KCNQ2: variants seen among roughly 807,000 people sequenced by gnomAD.
KCNQ2 encodes potassium voltage-gated channel subfamily Q member 2, also known as potassium voltage-gated channel subfamily KQT member 2.
In KCNQ2, 14 loss-of-function variants were observed where a neutral mutation model predicts 84.8. The ratio of observed to expected loss-of-function variants is 0.17; its 90% CI spans 0.11 to 0.26. KCNQ2 has a LOEUF of 0.26. Ranked by LOEUF, KCNQ2 falls within the 10% of genes least tolerant of loss-of-function variation. The pLI is 1.00. For missense variants in KCNQ2, 788 were observed against 1,254.0 expected (o/e 0.63, Z 5.61); for synonymous variants, 599 against 554.1 (o/e 1.08, Z -1.14).
chr20:63,438,161 T>A lies in KCNQ2; in HGVS notation c.1023+464A>T. ...CAGGAATTACTTGTGGATGCCACAGTGGTCACTGCACGCTACCCACCCCCA... is the reference window on the plus strand; with the variant it reads ...CAGGAATTACTTGTGGATGCCACAGAGGTCACTGCACGCTACCCACCCCCA... On this transcript the variant is annotated intron_variant, in intron 7 of 16. Transcript: ENST00000359125. The surrounding 1 kb of genome is among the most constrained non-coding windows in gnomAD (Gnocchi z 5.1). 4.5e-6 allele frequency: 1 copy of A among 219,800 alleles called. No individual in the cohort carries two copies. Among genetic ancestry groups the A allele is most frequent in the South Asian group, 7.2e-5 (1 of 13,822 alleles). The allele number at this position is 219,800 out of a possible 1,614,324, so 13.6% of individuals were successfully genotyped here.
At position 63,406,984 on chromosome 20, in the gene KCNQ2, C is replaced by A; in HGVS notation, c.2279G>T (p.Arg760Leu). The A allele has an allele frequency of 2.6e-6, 4 of 1,521,992 alleles. No homozygotes were observed. The highest frequency in any genetic ancestry group is 3.5e-6 in the Non-Finnish European group (4 of 1,137,184). 94.3% of individuals were successfully genotyped at this position (1,521,992 alleles called of 1,614,324 possible). A position where few individuals can be genotyped will look rare whatever the true frequency, so the allele number is the denominator to read the frequency against. The change falls in exon 17 of 17, where the codon CGC (arginine) becomes CTC (leucine). Residue 760 changes from arginine (R) to leucine (L), a missense_variant. Physicochemically the swap from Arg to Leu is moderately radical, Grantham distance 102 (BLOSUM62 -2). Around this residue, in one of 8 missense-constraint regions of KCNQ2, gnomAD observed 378 missense variants for 434.5 expected, o/e 0.87. Transcript: ENST00000359125. ...RSLSAYGGGN[R>L]ASMEFLRQED... is the part of the protein sequence containing the mutation. ...CTGCCGCAGGAACTCCATGCTGGCG[C>A]GGTTGCCCCCGCCGTAGGCGGACAG...
At chr20:63,449,520 A>G (rs890993545) in intron 1 of KCNQ2, among the ~76,000 whole-genome samples, 2 of 152,250 alleles carry the variant, frequency 1.3e-5, no homozygotes, top group Non-Finnish European at 2.9e-5. Context: ...CGTTGGCCGC[A>G]GTGCCTGGAG....
chr20:63,461,071 C>T (rs927068123), intron 1 of KCNQ2: 3 of 152,262 alleles, frequency 2.0e-5, no homozygotes, highest in African/African-American at 7.2e-5. Context: ...GAAGAGCAAA[C>T]GTCCTTCCCT....
At chr20:63,421,701 G>A (rs1368589005) in intron 11 of KCNQ2, among the ~76,000 whole-genome samples, 7 of 152,138 alleles carry the variant, frequency 4.6e-5, no homozygotes, top group South Asian at 2.1e-4. Flanking sequence ...GGGGGAGCCC[G>A]CACAGGCATG....
rs749330439 is a variant in KCNQ2, at chr20:63,442,707, T to TCACCAC, written c.691-182_691-177dup. On this transcript the variant is annotated intron_variant, in intron 4 of 16. Coordinates refer to ENST00000359125, the MANE Select transcript of KCNQ2 (RefSeq NM_172107.4). ...ACCATCACCATCACCACCATCACCA[T>TCACCAC]CACCACCACCACCACCATCATCACC... Among the ~76,000 whole-genome samples, 112 of 35,410 alleles carry TCACCAC rather than the reference T, an allele frequency of 3.2e-3. 7 individuals carry two copies. In the South Asian group the frequency reaches 0.098, roughly 31 times the overall value. The allele number at this position is 35,410 out of a possible 152,430, so 23.2% of individuals were successfully genotyped here. A position where few individuals can be genotyped will look rare whatever the true frequency, so the allele number is the denominator to read the frequency against.
chr20:63,433,455 CCGGTCCAGAGCAGCCCGGGGAGCAGCTGT>C (rs1336095326), intron 8 of KCNQ2: 12 of 494,904 alleles, frequency 2.4e-5, no homozygotes, highest in Non-Finnish European at 4.3e-5. Flanking sequence ...CCTCGAGCTG[CCGGTCCAGAGCAGCCCGGGGAGCAGCTGT>C]CGGTCCAGAG....
At chr20:63,451,685 C>T (rs2081619516) in intron 1 of KCNQ2, among the ~76,000 whole-genome samples, 2 of 152,140 alleles carry the variant, frequency 1.3e-5, no homozygotes, top group Admixed American at 1.3e-4. Context: ...ACGACGGACA[C>T]CCCCACGGCT....
intron 1 of KCNQ2, among the ~76,000 whole-genome samples, chr20:63,462,045 T>C (rs1174205459): frequency 8.5e-6 from 1 of 118,296 alleles, no homozygotes; most frequent in Non-Finnish European, 1.7e-5. Flanking sequence ...AGGCTGCATC[T>C]ACCCCAGGGA....
chr20:63,436,933 C>T (rs1382656979), intron 7 of KCNQ2, among the ~76,000 whole-genome samples: 4 of 151,946 alleles, frequency 2.6e-5, no homozygotes, highest in Admixed American at 6.6e-5. Context: ...TGTGCCACCA[C>T]GCCCAGCTAA....
Position 63,406,772 on chromosome 20 carries a change from T to C in KCNQ2, c.2491A>G (p.Arg831Gly), listed in dbSNP as rs2079948903. Residue 831 changes from arginine (R) to glycine (G), a missense_variant, in exon 17 of 17, where the codon AGG (arginine) becomes GGG (glycine). Arg to Gly is a moderately radical substitution (Grantham distance 125, BLOSUM62 -2). Around this residue, in one of 8 missense-constraint regions of KCNQ2, gnomAD observed 378 missense variants for 434.5 expected, o/e 0.87. Transcript: ENST00000359125. Reference protein sequence around the residue: ...YAAVAPCAKVRPYIAEGESDT... With the variant: ...YAAVAPCAKVGPYIAEGESDT... The stretch of plus-strand genomic sequence containing the variant: ...GACTCTCCCTCCGCAATGTAGGGCC[T>C]GACTTTGGCACAAGGCGCCACGGCC... 1 of 1,612,508 alleles carries C rather than the reference T, an allele frequency of 6.2e-7. No individual in the cohort carries two copies. The highest frequency in any genetic ancestry group is 8.5e-7 in the Non-Finnish European group (1 of 1,179,832).
At chr20:63,432,774 A>T (rs74322520) in intron 8 of KCNQ2, among the ~76,000 whole-genome samples, 17,004 of 81,944 alleles carry the variant, frequency 0.21, 1,596 homozygotes, top group East Asian at 0.51. Context: ...CTCCACCCTC[A>T]GGGAAGGCCC....
chr20:63,461,350 A>G (rs925902444), intron 1 of KCNQ2, among the ~76,000 whole-genome samples: 2 of 152,186 alleles, frequency 1.3e-5, no homozygotes, highest in Non-Finnish European at 2.9e-5. Context: ...CTAATTGTAA[A>G]GGAGAGAAGC....
At position 63,414,093 on chromosome 20, in the gene KCNQ2, G is replaced by C. The variant is rs564614151; in HGVS notation, c.1626C>G (p.Ala542=). ...CGGCTGGGCAGGGGCCTCACCACAC[G>C]GCTCTGATGCTGACTTTGAGGCCCG... is the stretch of plus-strand genomic sequence containing the variant. ...LTPGLKVSIR[A]VCVMRFLVSK... Residue 542 remains alanine (A), a synonymous_variant, in exon 14 of 17, where the codon GCC becomes GCG. Coordinates refer to ENST00000359125, the MANE Select transcript of KCNQ2 (RefSeq NM_172107.4). The surrounding 1 kb of genome is among the most constrained non-coding windows in gnomAD (Gnocchi z 6.6). The C allele has an allele frequency of 6.2e-6, 10 of 1,612,918 alleles. No homozygotes were observed. The South Asian group carries it at 8.8e-5, about 14-fold the overall frequency.
intron 7 of KCNQ2, among the ~76,000 whole-genome samples, chr20:63,435,130 A>T (rs2080955462): frequency 6.6e-6 from 1 of 152,226 alleles, no homozygotes; most frequent in African/African-American, 2.4e-5. Flanking sequence ...GGCCTGGCGC[A>T]GAGGCTCACA....
intron 1 of KCNQ2, among the ~76,000 whole-genome samples, chr20:63,455,674 C>A (rs1368320663): frequency 1.3e-5 from 2 of 152,006 alleles, no homozygotes; most frequent in South Asian, 2.1e-4. Flanking sequence ...AGTCCTGGGG[C>A]CCCCACCGCC....
In KCNQ2 at chr20:63,414,676, G is replaced by A. The variant is rs2080229604; in HGVS notation, c.1525+227C>T. 6.6e-6 allele frequency among the ~76,000 whole-genome samples: 1 copy of A among 151,638 alleles called. No homozygotes were observed. On this transcript the variant is annotated intron_variant, in intron 13 of 16. Coordinates refer to ENST00000359125, the MANE Select transcript of KCNQ2 (RefSeq NM_172107.4). The surrounding 1 kb of genome is among the most constrained non-coding windows in gnomAD (Gnocchi z 6.6). ...GAATGTTCTGGAACTAGGCTGAGGT[G>A]GTGGTGACAACTCCACCGTGAGCGT...
intron 5 of KCNQ2, among the ~76,000 whole-genome samples, chr20:63,439,987 C>T (rs973158397): frequency 3.9e-5 from 6 of 152,268 alleles, no homozygotes; most frequent in Non-Finnish European, 7.3e-5. Context: ...GTGACTCCCA[C>T]GAGGCTCGGC....
chr20:63,413,627 C>T (rs202020994), intron 14 of KCNQ2, 46 bp from the exon 15 acceptor site: 42 of 1,610,442 alleles, frequency 2.6e-5, no homozygotes, highest in Admixed American at 3.3e-5. Context: ...CAGAGACCCC[C>T]GGCCACAGGC....
At chr20:63,417,718 G>A (rs998841204) in intron 12 of KCNQ2, among the ~76,000 whole-genome samples, 20 of 152,364 alleles carry the variant, frequency 1.3e-4, no homozygotes, top group African/African-American at 3.6e-4. Flanking sequence ...AGGGAGTGGC[G>A]TGGATTCCAC....
Sources: allele counts gnomAD v4.1 joint callset (sites outside exome capture counted in the v4.1 genomes callset), GRCh38; gene constraint gnomAD v4.1.1; regional missense constraint gnomAD v4.1.1; non-coding constraint Gnocchi (gnomAD v3.1); transcripts MANE v1.5; gene names NCBI Gene and HGNC (gene_info 2026-07-23, HGNC 2026-07-21).